Variants in DNAJB6 observed in about 807,000 individuals in gnomAD.
DNAJB6 encodes the protein DnaJ heat shock protein family (Hsp40) member B6.
In DNAJB6, 16 loss-of-function variants were observed where a neutral mutation model predicts 42.7. The observed-to-expected ratio is 0.37, with a 90% CI of 0.25 to 0.57. The LOEUF (loss-of-function observed/expected upper bound fraction) is 0.57, where lower values mean the gene tolerates loss of function less well. Ranked by LOEUF, DNAJB6 falls within the 20% of genes least tolerant of loss-of-function variation. The pLI, the probability that DNAJB6 is intolerant of heterozygous loss-of-function variation, is 0.74. For missense variants in DNAJB6, 347 were observed against 416.8 expected (o/e 0.83, Z 1.46); for synonymous variants, 170 against 163.5 (o/e 1.04, Z -0.30).
chr7:157,381,776 G>GTGTGTGTGT (rs1554462577), intron 5 of DNAJB6: 2 of 153,166 alleles, frequency 1.3e-5, no homozygotes, highest in Non-Finnish European at 2.9e-5. Flanking sequence ...GTGTGTGTGT[G>GTGTGTGTGT]GGCGCGCGCA....
intron 2 of DNAJB6, among the ~76,000 whole-genome samples, chr7:157,359,064 C>T (rs571557382): frequency 2.0e-5 from 3 of 152,292 alleles, no homozygotes; most frequent in South Asian, 2.1e-4. Flanking sequence ...AGAACTGCAG[C>T]GCTGCCTGTG....
At chr7:157,372,301 G>A (rs926815323) in intron 5 of DNAJB6, 2 of 152,876 alleles carry the variant, frequency 1.3e-5, no homozygotes, top group Non-Finnish European at 2.9e-5. Context: ...TGTCTAGTGA[G>A]GACGAGGCCT....
intron 5 of DNAJB6, among the ~76,000 whole-genome samples, chr7:157,375,851 G>A (rs1459952219): frequency 1.3e-5 from 2 of 152,194 alleles, no homozygotes; most frequent in African/African-American, 4.8e-5. Flanking sequence ...CGGCTGTCTA[G>A]GTTTTAGCTT....
intron 1 of DNAJB6, among the ~76,000 whole-genome samples, chr7:157,346,316 TA>T (rs60806134): frequency 0.092 from 10,850 of 117,598 alleles, 662 homozygotes; most frequent in African/African-American, 0.2. Flanking sequence ...CAAGGAGTAG[TA>T]AAAAAAAAAA....
intron 9 of DNAJB6, 108 bp downstream of exon 9, chr7:157,410,109 GCGGGCGTGGGCGGT>G: frequency 7.0e-7 from 1 of 1,419,602 alleles, no homozygotes; most frequent in Non-Finnish European, 9.2e-7. Flanking sequence ...TCTGACCTGA[GCGGGCGTGGGCGGT>G]CGGGCGGGGC....
intron 2 of DNAJB6, among the ~76,000 whole-genome samples, chr7:157,359,542 C>T (rs62493454): frequency 0.14 from 21,990 of 152,036 alleles, 2,026 homozygotes; most frequent in South Asian, 0.22. Flanking sequence ...TGCTAAATTA[C>T]GGCCAGGCAA....
intron 3 of DNAJB6, among the ~76,000 whole-genome samples, chr7:157,363,838 G>A (rs1165938797): frequency 6.6e-6 from 1 of 152,162 alleles, no homozygotes; most frequent in African/African-American, 2.4e-5. Flanking sequence ...ATGGGTGAGG[G>A]GTCAGAGGTC....
chr7:157,350,643 C>G (rs533534478), intron 1 of DNAJB6, among the ~76,000 whole-genome samples: 1 of 151,936 alleles, frequency 6.6e-6, no homozygotes, highest in East Asian at 1.9e-4. Flanking sequence ...TTGAGGAAGA[C>G]GCCCAATATG....
intron 5 of DNAJB6, among the ~76,000 whole-genome samples, chr7:157,367,799 C>T (rs573487301): frequency 6.0e-5 from 9 of 150,820 alleles, no homozygotes; most frequent in South Asian, 2.1e-4. Flanking sequence ...GCAGAGGTTG[C>T]GGTGAACTGA....
At chr7:157,351,018 T>TC (rs1185739922) in intron 1 of DNAJB6, among the ~76,000 whole-genome samples, 1 of 150,518 alleles carries the variant, frequency 6.6e-6, no homozygotes, top group Non-Finnish European at 1.5e-5. Flanking sequence ...CACTGCAGCC[T>TC]CCGTCTCCCA....
chr7:157,378,252 G>GTA (rs1800571182), intron 5 of DNAJB6: 1 of 152,194 alleles, frequency 6.6e-6, no homozygotes, highest in South Asian at 2.1e-4. Flanking sequence ...GTGAGGTAAA[G>GTA]TAAAAAAGAA....
intron 8 of DNAJB6, among the ~76,000 whole-genome samples, chr7:157,392,783 C>T (rs922662729): frequency 6.6e-6 from 1 of 152,062 alleles, no homozygotes; most frequent in Admixed American, 6.6e-5. Flanking sequence ...TTTTTAACAT[C>T]CTGTTTTACG....
At chr7:157,349,805 C>A (rs1798876217) in intron 1 of DNAJB6, among the ~76,000 whole-genome samples, 1 of 152,042 alleles carries the variant, frequency 6.6e-6, no homozygotes, top group Non-Finnish European at 1.5e-5. Context: ...CCACCACACC[C>A]AGCTGATTTT....
chr7:157,352,481 G>A (rs140279479), intron 1 of DNAJB6, among the ~76,000 whole-genome samples: 123 of 152,058 alleles, frequency 8.1e-4, no homozygotes, highest in African/African-American at 2.9e-3. Flanking sequence ...TGTGGAATGA[G>A]GTGGTATGAA....
intron 1 of DNAJB6, among the ~76,000 whole-genome samples, chr7:157,357,285 T>TTGAGA (rs1563118395): frequency 1.1e-4 from 4 of 37,448 alleles, no homozygotes; most frequent in African/African-American, 4.0e-4. Flanking sequence ...CGTCCTTCCT[T>TTGAGA]CCGTCCTTCC....
chr7:157,343,549 A>T (rs1212255108), intron 1 of DNAJB6, among the ~76,000 whole-genome samples: 2 of 151,848 alleles, frequency 1.3e-5, no homozygotes, highest in African/African-American at 2.4e-5. Flanking sequence ...GCTCACTGCA[A>T]ACTCTCCCGG....
intron 1 of DNAJB6, among the ~76,000 whole-genome samples, chr7:157,349,027 A>G (rs2116892475): frequency 6.6e-6 from 1 of 152,154 alleles, no homozygotes; most frequent in East Asian, 1.9e-4. Flanking sequence ...CACTCTGTGC[A>G]TATTTGTCTT....
intron 1 of DNAJB6, among the ~76,000 whole-genome samples, chr7:157,342,686 A>T (rs1192049305): frequency 6.6e-6 from 1 of 151,722 alleles, no homozygotes; most frequent in Non-Finnish European, 1.5e-5. Flanking sequence ...TGAACTTGTG[A>T]CCTCAATCCA....
At chr7:157,346,538 G>GT (rs1224390725) in intron 1 of DNAJB6, among the ~76,000 whole-genome samples, 18 of 151,596 alleles carry the variant, frequency 1.2e-4, no homozygotes, top group Non-Finnish European at 2.1e-4. Context: ...AGTTTTATCA[G>GT]TTTTTTTTAA....
Sources: allele counts gnomAD v4.1 joint callset (sites outside exome capture counted in the v4.1 genomes callset), GRCh38; gene constraint gnomAD v4.1.1; transcripts MANE v1.5; gene names NCBI Gene and HGNC (gene_info 2026-07-23, HGNC 2026-07-21).